CTNNA3: variants seen among roughly 807,000 people sequenced by gnomAD.
CTNNA3 encodes the protein catenin alpha-3.
A neutral mutation model predicts 95.7 loss-of-function variants in CTNNA3; 76 were observed. The observed-to-expected ratio is 0.79, with a 90% CI of 0.66 to 0.96. The LOEUF (loss-of-function observed/expected upper bound fraction) is 0.96, where lower values mean the gene tolerates loss of function less well. Ranked by LOEUF, CTNNA3 falls within the 40% of genes least tolerant of loss-of-function variation. CTNNA3 has a pLI of 0.00. For synonymous variants in CTNNA3, 431 were observed against 374.4 expected (o/e 1.15, Z -1.74); for missense variants, 1,191 against 1,089.8 (o/e 1.09, Z -1.31).
rs918480541 is a variant in CTNNA3 at position 65,985,383 on chromosome 10, G to A, written c.2265+3309C>T. Among the ~76,000 whole-genome samples the A allele has an allele frequency of 2.6e-5, 4 of 151,140 alleles. 1 individual carries two copies. Among genetic ancestry groups the A allele is most frequent in the Admixed American group, 1.3e-4 (2 of 15,170 alleles). The stretch of plus-strand genomic sequence containing the variant: ...TAATTGAATATCTCAACACATTAAT[G>A]AAAGCAACAGATTTTTCAGTTAAAG... On this transcript the variant is annotated intron_variant, in intron 16 of 17. Coordinates refer to ENST00000433211, the MANE Select transcript of CTNNA3 (RefSeq NM_013266.4).
intron 11 of CTNNA3, among the ~76,000 whole-genome samples, chr10:66,503,636 T>G (rs1221393399): frequency 6.6e-6 from 1 of 152,008 alleles, no homozygotes; most frequent in East Asian, 1.9e-4. Flanking sequence ...GCCTGGCTAA[T>G]TTTTGTGTTT....
intron 7 of CTNNA3, among the ~76,000 whole-genome samples, chr10:66,890,171 C>T (rs1267460383): frequency 3.3e-5 from 5 of 152,096 alleles, no homozygotes; most frequent in Non-Finnish European, 7.4e-5. Context: ...CTTTAGACAT[C>T]TCAGTGGAGA....
intron 9 of CTNNA3, among the ~76,000 whole-genome samples, chr10:66,752,785 G>A (rs373939901): frequency 3.3e-5 from 5 of 152,120 alleles, no homozygotes; most frequent in East Asian, 1.9e-4. Flanking sequence ...CAGAAAGGAA[G>A]AAGTATAGCT....
intron 5 of CTNNA3, among the ~76,000 whole-genome samples, chr10:67,271,582 C>T (rs1406537655): frequency 1.3e-5 from 2 of 152,176 alleles, no homozygotes; most frequent in Non-Finnish European, 2.9e-5. Flanking sequence ...CTCTTCTAAT[C>T]ACTTTATTTT....
chr10:66,730,416 C>T (rs1224909517), intron 9 of CTNNA3, among the ~76,000 whole-genome samples: 1 of 152,144 alleles, frequency 6.6e-6, no homozygotes, highest in African/African-American at 2.4e-5. Flanking sequence ...CACATGGACA[C>T]ATTGTTGGAG....
chr10:67,545,904 T>C (rs897047060), intron 3 of CTNNA3, among the ~76,000 whole-genome samples: 1 of 152,200 alleles, frequency 6.6e-6, no homozygotes, highest in African/African-American at 2.4e-5. Flanking sequence ...AGTCAAACTT[T>C]AATTATGTAC....
chr10:67,712,948 T>C (rs1331760324), intron 1 of CTNNA3, among the ~76,000 whole-genome samples: 1 of 151,974 alleles, frequency 6.6e-6, no homozygotes, highest in Admixed American at 6.6e-5. Context: ...CTAATTAAAC[T>C]AAAGAGCTTC....
chr10:66,859,460 A>T (rs888722547), intron 7 of CTNNA3, among the ~76,000 whole-genome samples: 1 of 152,010 alleles, frequency 6.6e-6, no homozygotes, highest in African/African-American at 2.4e-5. Flanking sequence ...TCAAAACCAC[A>T]ATGAGATATC....
chr10:66,649,718 T>G (rs1338119224), intron 9 of CTNNA3, among the ~76,000 whole-genome samples: 1 of 152,170 alleles, frequency 6.6e-6, no homozygotes, highest in Non-Finnish European at 1.5e-5. Flanking sequence ...CCTGCCCCAC[T>G]GCCAGGCTGA....
At chr10:67,250,035 T>C (rs989670161) in intron 5 of CTNNA3, among the ~76,000 whole-genome samples, 1 of 152,228 alleles carries the variant, frequency 6.6e-6, no homozygotes, top group African/African-American at 2.4e-5. Flanking sequence ...TAAATAGTTG[T>C]TATACTGTAT....
intron 15 of CTNNA3, among the ~76,000 whole-genome samples, chr10:65,993,026 A>G (rs1392641857): frequency 1.3e-5 from 2 of 151,916 alleles, no homozygotes; most frequent in African/African-American, 4.8e-5. Flanking sequence ...TTGTTGTTTA[A>G]TTTCTACGTA....
intron 9 of CTNNA3, among the ~76,000 whole-genome samples, chr10:66,689,427 A>G (rs1847432035): frequency 6.6e-6 from 1 of 152,196 alleles, no homozygotes; most frequent in Non-Finnish European, 1.5e-5. Context: ...CTTTATTTCA[A>G]ATATTTTACC....
intron 5 of CTNNA3, among the ~76,000 whole-genome samples, chr10:67,239,054 T>G (rs147868953): frequency 7.2e-4 from 109 of 152,240 alleles, no homozygotes; most frequent in Non-Finnish European, 1.4e-3. Context: ...TTGAATAAAT[T>G]TATGCATGGC....
intron 12 of CTNNA3, among the ~76,000 whole-genome samples, chr10:66,330,450 TA>T (rs574536638): frequency 0.066 from 10,013 of 152,074 alleles, 1,055 homozygotes; most frequent in African/African-American, 0.23. Flanking sequence ...GTGCCACATT[TA>T]TCTTAATCCA....
intron 9 of CTNNA3, among the ~76,000 whole-genome samples, chr10:66,636,485 T>C (rs1845341843): frequency 6.6e-6 from 1 of 152,040 alleles, no homozygotes; most frequent in African/African-American, 2.4e-5. Flanking sequence ...AGAAGGGATC[T>C]TGTATACTAA....
At chr10:66,695,924 G>GC (rs993413376) in intron 9 of CTNNA3, among the ~76,000 whole-genome samples, 1 of 132,936 alleles carries the variant, frequency 7.5e-6, no homozygotes, top group Non-Finnish European at 1.6e-5. Flanking sequence ...TAAGGGGGGG[G>GC]GGCAATAAAA....
chr10:66,061,744 T>G (rs1227917504), intron 15 of CTNNA3, among the ~76,000 whole-genome samples: 1 of 152,032 alleles, frequency 6.6e-6, no homozygotes, highest in African/African-American at 2.4e-5. Flanking sequence ...ACATACATCA[T>G]CACCTTCCAT....
At chr10:67,250,221 C>CTT (rs1281095761) in intron 5 of CTNNA3, among the ~76,000 whole-genome samples, 43 of 145,808 alleles carry the variant, frequency 2.9e-4, no homozygotes, top group Middle Eastern at 3.5e-3. Context: ...AGAGGGCCAA[C>CTT]TTTTTTTTTT....
chr10:66,960,955 A>G (rs1201691317), intron 7 of CTNNA3, among the ~76,000 whole-genome samples: 1 of 152,162 alleles, frequency 6.6e-6, no homozygotes, highest in Non-Finnish European at 1.5e-5. Context: ...ATCACAAGGG[A>G]TCCTTTCTGA....
Sources: gnomAD v4.1 joint callset for allele counts (sites outside exome capture counted in the v4.1 genomes callset) on GRCh38, gnomAD v4.1.1 for gene constraint, MANE v1.5 for transcripts, NCBI Gene and HGNC (gene_info 2026-07-23, HGNC 2026-07-21) for gene names.